HPN: variants seen among roughly 807,000 people sequenced by gnomAD.
HPN encodes the protein serine protease hepsin.
A neutral mutation model predicts 55.9 loss-of-function variants in HPN; 13 were observed. The ratio of observed to expected loss-of-function variants is 0.23; its 90% CI spans 0.15 to 0.37. The LOEUF (loss-of-function observed/expected upper bound fraction) is 0.37, where lower values mean the gene tolerates loss of function less well. HPN is among the 10% of genes least tolerant of loss of function. The pLI is 1.00. For synonymous variants in HPN, 225 were observed against 240.3 expected (o/e 0.94, Z 0.59); for missense variants, 451 against 575.8 (o/e 0.78, Z 2.22).
upstream of HPN, chr19:35,041,690 ACCC>A: frequency 5.2e-6 from 4 of 773,464 alleles, no homozygotes; most frequent in African/African-American, 3.9e-5. Context: ...CCGCCCCTTC[ACCC>A]GCCCCTCGCC....
At chr19:35,057,175 A>G (rs922264178) in intron 4 of HPN, among the ~76,000 whole-genome samples, 55 of 152,230 alleles carry the variant, frequency 3.6e-4, no homozygotes, top group African/African-American at 1.2e-3. Context: ...CCTGTCATCC[A>G]GCACTTTGGG....
chr19:35,054,538 G>T (rs932618351), intron 4 of HPN, among the ~76,000 whole-genome samples: 2 of 152,154 alleles, frequency 1.3e-5, no homozygotes, highest in African/African-American at 4.8e-5. Flanking sequence ...AGTAAACGTA[G>T]CCAGTGCTAT....
intron 4 of HPN, among the ~76,000 whole-genome samples, chr19:35,052,758 A>T (rs2064417862): frequency 6.6e-6 from 1 of 152,150 alleles, no homozygotes; most frequent in African/African-American, 2.4e-5. Context: ...GAACTCCAGG[A>T]AGGCAGGGAC....
At chr19:35,051,927 A>G (rs907750690) in intron 4 of HPN, among the ~76,000 whole-genome samples, 1 of 152,164 alleles carries the variant, frequency 6.6e-6, no homozygotes, top group Non-Finnish European at 1.5e-5. Context: ...AACACGTGGC[A>G]TTGAGATAAA....
intron 3 of HPN, 32 bp from the exon 4 acceptor site, chr19:35,049,443 C>T (rs758655283): frequency 1.2e-6 from 2 of 1,613,030 alleles, no homozygotes; most frequent in East Asian, 2.2e-5. Context: ...CAGCCTCCAG[C>T]CTGCCTGCCC....
At chr19:35,054,482 A>C (rs567407651) in intron 4 of HPN, among the ~76,000 whole-genome samples, 1 of 151,182 alleles carries the variant, frequency 6.6e-6, no homozygotes, top group East Asian at 2.0e-4. Flanking sequence ...TCAGAGAGCC[A>C]CTTGGATAGG....
rs371505131 is a variant in HPN at position 35,042,512 on chromosome 19, G to A, written c.6G>A (p.Ala2=). Residue 2 remains alanine (A), a synonymous_variant, in exon 2 of 13, where the codon GCG becomes GCA. Transcript: ENST00000672452. The part of the protein sequence containing the change: M[A]QKEGGRTVPC... ...CATTAACAAGAGGCAGTGACATGGC[G>A]CAGAAGGAGGGTGAGTCCCCTTCCC... The A allele has an allele frequency of 1.1e-5, 17 of 1,609,250 alleles. No homozygotes were observed. The highest frequency in any genetic ancestry group is 1.0e-4 in the South Asian group (9 of 89,800).
chr19:35,043,551 G>A lies in HPN; in HGVS notation c.16+1029G>A, dbSNP rs138827918. ...AGGGTGACAGTGCATGTCCAACAGC[G>A]TGGGGCGAGGCCTGAAATGCCAGGA... On this transcript the variant is annotated intron_variant, in intron 2 of 12. Coordinates refer to ENST00000672452, the MANE Select transcript of HPN (RefSeq NM_001384133.1). Among the ~76,000 whole-genome samples the A allele has an allele frequency of 1.7e-4, 26 of 152,348 alleles. No homozygotes were observed. In the East Asian group the frequency reaches 3.5e-3, roughly 20 times the overall value.
intron 2 of HPN, among the ~76,000 whole-genome samples, chr19:35,048,219 G>T (rs2064368175): frequency 6.6e-6 from 1 of 152,194 alleles, no homozygotes; most frequent in Admixed American, 6.5e-5. Context: ...CTTCCGCACA[G>T]TGAGAGCCAG....
At chr19:35,050,500 A>G (rs1388517617) in intron 4 of HPN, 2 of 1,289,206 alleles carry the variant, frequency 1.6e-6, no homozygotes, top group Non-Finnish European at 2.0e-6. Flanking sequence ...GGGGCCAGGA[A>G]CAGCTCTTAG....
At position 35,060,406 on chromosome 19, in the gene HPN, G is replaced by T; in HGVS notation, c.514G>T (p.Gly172Cys). The T allele has an allele frequency of 6.2e-7, 1 of 1,613,076 alleles. No individual in the cohort carries two copies. The highest frequency in any genetic ancestry group is 8.5e-7 in the Non-Finnish European group (1 of 1,179,936). ...RIVGGRDTSL[G>C]RWPWQVSLRY... Reference sequence around the variant, plus strand: ...CGTGGGAGGCCGGGACACCAGCTTGGGCCGGTGGCCGTGGCAAGTCAGCCT... The same window carrying T: ...CGTGGGAGGCCGGGACACCAGCTTGTGCCGGTGGCCGTGGCAAGTCAGCCT... Residue 172 changes from glycine to cysteine, a missense_variant, in exon 8 of 13, where the codon GGC (glycine) becomes TGC (cysteine). By Grantham distance (159) the Gly-to-Cys change is radical (BLOSUM62 -3). Transcript: ENST00000672452.
At chr19:35,065,479 G>A in intron 10 of HPN, 60 bp from the exon 11 acceptor site, 1 of 1,594,648 alleles carries the variant, frequency 6.3e-7, no homozygotes, top group Non-Finnish European at 8.5e-7. Flanking sequence ...GTGGGCACCA[G>A]GAGGGAAGGG....
intron 4 of HPN, 132 bp from the exon 5 acceptor site, chr19:35,059,541 A>G: frequency 8.4e-7 from 1 of 1,184,492 alleles, no homozygotes; most frequent in Non-Finnish European, 1.2e-6. Flanking sequence ...GGGGGCTGCA[A>G]CCCTCCGATG....
At chr19:35,062,807 C>G (rs1318161163) in intron 9 of HPN, among the ~76,000 whole-genome samples, 2 of 152,034 alleles carry the variant, frequency 1.3e-5, no homozygotes, top group East Asian at 3.9e-4. Flanking sequence ...CCTGATCACC[C>G]AGGAGATCAA....
chr19:35,046,822 G>GTATT (rs141379401), intron 2 of HPN, among the ~76,000 whole-genome samples: 17,285 of 151,856 alleles, frequency 0.11, 1,134 homozygotes, highest in Non-Finnish European at 0.16. Context: ...ATTTATTTAT[G>GTATT]TATTTATTTA....
chr19:35,054,823 G>A (rs370025048), intron 4 of HPN, among the ~76,000 whole-genome samples: 4 of 152,182 alleles, frequency 2.6e-5, no homozygotes, highest in Admixed American at 2.6e-4. Context: ...CAGGAACACA[G>A]TAGGTCCTCA....
At chr19:35,051,322 T>A (rs2064403130) in intron 4 of HPN, among the ~76,000 whole-genome samples, 1 of 152,032 alleles carries the variant, frequency 6.6e-6, no homozygotes, top group African/African-American at 2.4e-5. Flanking sequence ...TTGGCCAGGA[T>A]GGTCTCAAAC....
At chr19:35,059,472 A>G (rs1182515047) in intron 4 of HPN, 6 of 721,796 alleles carry the variant, frequency 8.3e-6, no homozygotes, top group Non-Finnish European at 1.5e-5. Flanking sequence ...ACAGAGCGAG[A>G]CCCTGTCTTT....
At position 35,048,082 on chromosome 19, in the gene HPN, A is replaced by AAGGAAGAAAAAAGG. The variant is rs111546288; in HGVS notation, c.17-1207_17-1206insGGAAGAAAAAAGGA. Among the ~76,000 whole-genome samples the AAGGAAGAAAAAAGG allele has an allele frequency of 5.2e-5, 5 of 96,984 alleles. No individual in the cohort carries two copies. In the Admixed American group the frequency reaches 5.9e-4, roughly 11 times the overall value. The allele number at this position is 96,984 out of a possible 152,430, so 63.6% of individuals were successfully genotyped here. Reference sequence around the variant, plus strand: ...AAAGAAAGAAAGAAAGAAAGAAAGAAAAGGAAGGAAGGAAGGAAAAGAAAA... The same window carrying AAGGAAGAAAAAAGG: ...AAAGAAAGAAAGAAAGAAAGAAAGAAAGGAAGAAAAAAGGAAGGAAGGAAGGAAGGAAAAGAAAA... On this transcript the variant is annotated intron_variant, in intron 2 of 12. Coordinates refer to ENST00000672452, the MANE Select transcript of HPN (RefSeq NM_001384133.1).
Sources: allele counts gnomAD v4.1 joint callset (sites outside exome capture counted in the v4.1 genomes callset), GRCh38; gene constraint gnomAD v4.1.1; transcripts MANE v1.5; gene names NCBI Gene and HGNC (gene_info 2026-07-23, HGNC 2026-07-21).